The following STRN3 variants were observed in gnomAD, a reference collection of about 807,000 sequenced individuals.
The protein encoded by STRN3 is striatin 3, also known as striatin-3.
In STRN3, 29 loss-of-function variants were observed where a neutral mutation model predicts 95.6. That is an observed-to-expected ratio of 0.30 (90% CI 0.23 to 0.41). The LOEUF is 0.41. Ranked by LOEUF, STRN3 falls within the 10% of genes least tolerant of loss-of-function variation. The pLI is 1.00. For synonymous variants in STRN3, 331 were observed against 357.6 expected, an observed-to-expected ratio of 0.93 and a Z score of 0.84; for missense variants, 890 against 972.1, an observed-to-expected ratio of 0.92 and a Z score of 1.12.
intron 1 of STRN3, among the ~76,000 whole-genome samples, chr14:30,969,643 GTAGGTGC>G (rs1238627394): frequency 1.3e-5 from 2 of 152,076 alleles, no homozygotes; most frequent in African/African-American, 2.4e-5. Flanking sequence ...ACTAATAAAA[GTAGGTGC>G]TAAAGGAAAT....
Position 30,928,904 on chromosome 14 carries a change from T to C in STRN3, c.1099+297A>G, listed in dbSNP as rs529852531. Among the ~76,000 whole-genome samples, 5 of 152,296 alleles carry C rather than the reference T, an allele frequency of 3.3e-5. No individual in the cohort carries two copies. In the South Asian group the frequency reaches 1.0e-3, roughly 32 times the overall value. Reference sequence around the variant, plus strand: ...ATACTTTTCTCCCTTTTGAAAAATCTTTATTTTTTATTCCAATGCCAATAT... The same window carrying C: ...ATACTTTTCTCCCTTTTGAAAAATCCTTATTTTTTATTCCAATGCCAATAT... On this transcript the variant is annotated intron_variant, in intron 8 of 17. Transcript: ENST00000357479.
chr14:31,017,454 G>A (rs1158210361), intron 1 of STRN3, among the ~76,000 whole-genome samples: 8 of 151,384 alleles, frequency 5.3e-5, no homozygotes, highest in East Asian at 1.9e-4. Context: ...AGCCGAGATC[G>A]CGCCACTGCA....
intron 1 of STRN3, among the ~76,000 whole-genome samples, chr14:30,971,233 A>T (rs541789804): frequency 1.6e-4 from 24 of 152,364 alleles, no homozygotes; most frequent in African/African-American, 5.8e-4. Flanking sequence ...AAACAACTGA[A>T]GTGGCACTTG....
chr14:30,954,595 T>C (rs1292451349), intron 3 of STRN3, among the ~76,000 whole-genome samples: 5 of 152,238 alleles, frequency 3.3e-5, no homozygotes, highest in African/African-American at 4.8e-5. Context: ...TTCGCTGTTA[T>C]TGTGTGTCCT....
Position 30,976,556 on chromosome 14 carries a change from A to G in STRN3, c.283-20314T>C, listed in dbSNP as rs867401332. On this transcript the variant is annotated intron_variant, in intron 1 of 17. Coordinates refer to ENST00000357479, the MANE Select transcript of STRN3 (RefSeq NM_001083893.2). Reference sequence around the variant, plus strand: ...ATTGATCTACACAGTATTTTATCCAAGAACAGCAGAACAACATTATTTTCA... The same window carrying G: ...ATTGATCTACACAGTATTTTATCCAGGAACAGCAGAACAACATTATTTTCA... Among the ~76,000 whole-genome samples, 20 of 152,378 alleles carry G rather than the reference A, an allele frequency of 1.3e-4. 1 individual carries two copies. The highest frequency in any genetic ancestry group is 2.6e-4 in the Admixed American group (4 of 15,312).
rs137963786 is a variant in STRN3 at position 30,929,496 on chromosome 14, G to T, written c.989-185C>A. On this transcript the variant is annotated intron_variant, in intron 7 of 17. Coordinates refer to ENST00000357479, the MANE Select transcript of STRN3 (RefSeq NM_001083893.2). ...CAAACTCTAAATGCCCATGTCATAAGTTTCTAAACATTTAATATCAACAGT... is the reference window on the plus strand; with the variant it reads ...CAAACTCTAAATGCCCATGTCATAATTTTCTAAACATTTAATATCAACAGT... Among the ~76,000 whole-genome samples the T allele has an allele frequency of 8.4e-4, 128 of 152,226 alleles. 1 individual carries two copies. Among genetic ancestry groups the T allele is most frequent in the Middle Eastern group, 3.4e-3 (1 of 294 alleles).
At chr14:30,983,402 G>A (rs756157732) in intron 1 of STRN3, among the ~76,000 whole-genome samples, 8 of 152,102 alleles carry the variant, frequency 5.3e-5, no homozygotes, top group African/African-American at 9.7e-5. Context: ...AAAATTAGCC[G>A]CGTGTGGTGG....
intron 16 of STRN3, among the ~76,000 whole-genome samples, chr14:30,897,946 C>T (rs569259788): frequency 1.3e-3 from 205 of 152,236 alleles, no homozygotes; most frequent in African/African-American, 4.5e-3. Flanking sequence ...GTATCATTAG[C>T]TTTCCTTATG....
chr14:30,911,271 G>C (rs1259960425), intron 12 of STRN3, 109 bp from the exon 13 acceptor site: 2 of 1,076,554 alleles, frequency 1.9e-6, no homozygotes, highest in Non-Finnish European at 2.6e-6. Context: ...ACTGTTTTAA[G>C]AGAACATGTA....
intron 8 of STRN3, among the ~76,000 whole-genome samples, chr14:30,924,488 C>T (rs1896970070): frequency 6.6e-6 from 1 of 151,894 alleles, no homozygotes. Context: ...GACAAGGTCT[C>T]ACCATGTTGG....
At position 31,011,315 on chromosome 14, in the gene STRN3, T is replaced by C. The variant is rs74636218; in HGVS notation, c.282+14589A>G. Among the ~76,000 whole-genome samples, 1,319 of 152,304 alleles carry C rather than the reference T, an allele frequency of 8.7e-3. 24 individuals carry two copies. The highest frequency in any genetic ancestry group is 0.03 in the African/African-American group (1,243 of 41,574). On this transcript the variant is annotated intron_variant, in intron 1 of 17. Transcript: ENST00000357479. ...GAGATGTCCTCAGCAATTTCACTTA[T>C]TTAGCAAATATTTGGCAGACATCTA...
chr14:30,924,244 C>A (rs1352402380), intron 8 of STRN3, among the ~76,000 whole-genome samples: 1 of 116,076 alleles, frequency 8.6e-6, no homozygotes, highest in Non-Finnish European at 1.6e-5. Flanking sequence ...CAAAAAACAA[C>A]AAAAAAAAAA....
intron 5 of STRN3, among the ~76,000 whole-genome samples, 193 bp downstream of exon 5, chr14:30,946,897 T>C (rs1343553423): frequency 6.6e-6 from 1 of 150,590 alleles, no homozygotes; most frequent in Non-Finnish European, 1.5e-5. Flanking sequence ...GAGAATTGCT[T>C]GAGCCTGGGA....
At chr14:30,964,944 G>C (rs1365052827) in intron 1 of STRN3, among the ~76,000 whole-genome samples, 2 of 151,804 alleles carry the variant, frequency 1.3e-5, no homozygotes, top group African/African-American at 4.8e-5. Flanking sequence ...AAAAAAAAGA[G>C]AGTCTTGGTC....
At position 30,913,586 on chromosome 14, in the gene STRN3, C is replaced by T. The variant is rs1896662267; in HGVS notation, c.1312G>A (p.Val438Ile). 7.4e-6 allele frequency: 12 copies of T among 1,613,780 alleles called. No homozygotes were observed. Among genetic ancestry groups the T allele is most frequent in the Admixed American group, 1.7e-5 (1 of 59,992 alleles). Residue 438 changes from valine (V) to isoleucine (I), a missense_variant, in exon 10 of 18, where the codon GTA becomes ATA. Physicochemically the swap from Val to Ile is conservative, Grantham distance 29. Coordinates refer to ENST00000357479, the MANE Select transcript of STRN3 (RefSeq NM_001083893.2). Reference protein sequence around the residue: ...IMGSDDVLLSVLGLGDLADLT... With the variant: ...IMGSDDVLLSILGLGDLADLT... Reference sequence around the variant, plus strand: ...TCTGCAAGGTCTCCAAGGCCCAGTACACTTAACAAAACATCATCAGAACCC... The same window carrying T: ...TCTGCAAGGTCTCCAAGGCCCAGTATACTTAACAAAACATCATCAGAACCC...
At chr14:30,961,710 GTC>G (rs1880217155) in intron 1 of STRN3, among the ~76,000 whole-genome samples, 2 of 152,262 alleles carry the variant, frequency 1.3e-5, no homozygotes, top group South Asian at 2.1e-4. Flanking sequence ...TACCCTCTAA[GTC>G]CTGGGCTCAG....
intron 1 of STRN3, among the ~76,000 whole-genome samples, chr14:30,960,764 G>T (rs1880155878): frequency 6.6e-6 from 1 of 151,184 alleles, no homozygotes; most frequent in East Asian, 1.9e-4. Flanking sequence ...AGCTACTCAG[G>T]AGGCTGAGTC....
chr14:30,964,112 T>C (rs897855015), intron 1 of STRN3, among the ~76,000 whole-genome samples: 1 of 151,808 alleles, frequency 6.6e-6, no homozygotes, highest in African/African-American at 2.4e-5. Context: ...ATTAGGCAGG[T>C]GTGGTGGTGC....
In STRN3 at chr14:30,936,527, C is replaced by T. The variant is rs780984438; in HGVS notation, c.814G>A (p.Gly272Arg). ...ENDMIEGIPE[G>R]KDKHRMNKHK... ...TTATTCATCCGATGTTTGTCTTTTC[C>T]TTCTGGGATGCCTTCGATCATGTCA... Residue 272 changes from glycine (G) to arginine (R), a missense_variant, in exon 6 of 18, where the codon GGA (glycine) becomes AGA (arginine). By Grantham distance (125) the Gly-to-Arg change is moderately radical (BLOSUM62 -2). Around this residue, in one of 3 missense-constraint regions of STRN3, gnomAD observed 526 missense variants for 526.3 expected, o/e 1.00. Transcript: ENST00000357479. 6.8e-6 allele frequency: 11 copies of T among 1,613,132 alleles called. No homozygotes were observed. In the Middle Eastern group the frequency reaches 4.9e-4, roughly 72 times the overall value.
Sources: allele counts gnomAD v4.1 joint callset (sites outside exome capture counted in the v4.1 genomes callset), GRCh38; gene constraint gnomAD v4.1.1; regional missense constraint gnomAD v4.1.1; transcripts MANE v1.5; gene names NCBI Gene and HGNC (gene_info 2026-07-23, HGNC 2026-07-21).